Variants in IFT80 observed in about 807,000 individuals in gnomAD.
IFT80 encodes intraflagellar transport protein 80 homolog.
In IFT80, 79 loss-of-function variants were observed where a neutral mutation model predicts 107.9. That is an observed-to-expected ratio of 0.73 (90% CI 0.61 to 0.88). The LOEUF (loss-of-function observed/expected upper bound fraction) is 0.88. Among genes scored for constraint, IFT80 ranks in the 40% least tolerant of loss-of-function variants. The pLI is 0.00. For synonymous variants in IFT80, 299 were observed against 300.9 expected, an observed-to-expected ratio of 0.99 and a Z score of 0.07; for missense variants, 797 against 914.2, an observed-to-expected ratio of 0.87 and a Z score of 1.65.
chr3:160,305,767 GT>G (rs1327879746), intron 10 of IFT80, among the ~76,000 whole-genome samples: 5 of 151,674 alleles, frequency 3.3e-5, no homozygotes, highest in Admixed American at 3.3e-4. Context: ...TTGCATGTCT[GT>G]TTTTAAAATT....
At chr3:160,287,104 G>T (rs1046243978) in intron 12 of IFT80, among the ~76,000 whole-genome samples, 1 of 152,162 alleles carries the variant, frequency 6.6e-6, no homozygotes. Flanking sequence ...AATTCTGAAC[G>T]CCAAAGCTCA....
chr3:160,360,762 T>G (rs574909849), intron 6 of IFT80, among the ~76,000 whole-genome samples: 40 of 152,220 alleles, frequency 2.6e-4, no homozygotes, highest in African/African-American at 8.9e-4. Context: ...CAAACTAAGC[T>G]TCATAAGTGA....
At chr3:160,263,656 TTTA>T (rs1713042723) in intron 19 of IFT80, among the ~76,000 whole-genome samples, 1 of 152,108 alleles carries the variant, frequency 6.6e-6, no homozygotes, top group Admixed American at 6.6e-5. Context: ...AGGATTTTAT[TTTA>T]TTATGTATTT....
chr3:160,347,379 C>T (rs992622927), intron 8 of IFT80, among the ~76,000 whole-genome samples: 5 of 152,056 alleles, frequency 3.3e-5, no homozygotes, highest in South Asian at 2.1e-4. Context: ...GCCAGCTTAA[C>T]GGCTGCTTCA....
At chr3:160,372,798 T>C (rs978552809) in intron 5 of IFT80, among the ~76,000 whole-genome samples, 6 of 152,218 alleles carry the variant, frequency 3.9e-5, no homozygotes, top group African/African-American at 1.2e-4. Flanking sequence ...ATGGGTAATA[T>C]CATTACATGA....
intron 12 of IFT80, 50 bp downstream of exon 12, chr3:160,300,832 AG>A: frequency 7.2e-7 from 1 of 1,396,212 alleles, no homozygotes; most frequent in South Asian, 1.3e-5. Context: ...AAAATTTTAT[AG>A]TGTTAACAAA....
chr3:160,382,333 T>C (rs1387074144), intron 2 of IFT80, among the ~76,000 whole-genome samples: 2 of 152,316 alleles, frequency 1.3e-5, no homozygotes, highest in Non-Finnish European at 1.5e-5. Context: ...TTTCATTTTA[T>C]TTCTTCACTT....
At chr3:160,377,741 T>G in intron 3 of IFT80, 1 of 411,812 alleles carries the variant, frequency 2.4e-6, no homozygotes, top group Non-Finnish European at 4.3e-6. Flanking sequence ...AAAATGCATA[T>G]GCTTACGTGG....
At position 160,276,581 on chromosome 3, in the gene IFT80, T is replaced by C. The variant is rs538817624; in HGVS notation, c.2099+725A>G. On this transcript the variant is annotated intron_variant, in intron 18 of 19. Coordinates refer to ENST00000326448, the MANE Select transcript of IFT80 (RefSeq NM_020800.3). ...ATAGTTTTGTTCACTGGGAGACATGTACCTGAGAGAATGAGTGGGAGGAAC... is the reference window on the plus strand; with the variant it reads ...ATAGTTTTGTTCACTGGGAGACATGCACCTGAGAGAATGAGTGGGAGGAAC... Among the ~76,000 whole-genome samples the C allele has an allele frequency of 5.9e-5, 9 of 152,192 alleles. 1 individual carries two copies. In the Middle Eastern group the frequency reaches 9.5e-3, roughly 161 times the overall value.
chr3:160,307,874 A>C, intron 9 of IFT80, 93 bp from the exon 10 acceptor site: 1 of 720,286 alleles, frequency 1.4e-6, no homozygotes. Context: ...CAAAAAATTA[A>C]ATGCACTACT....
chr3:160,315,607 CA>C, intron 9 of IFT80, among the ~76,000 whole-genome samples: 1 of 152,250 alleles, frequency 6.6e-6, no homozygotes, highest in Non-Finnish European at 1.5e-5. Context: ...TCACACTCAC[CA>C]GCTGGATTTT....
intron 12 of IFT80, among the ~76,000 whole-genome samples, chr3:160,287,834 G>C (rs1393878818): frequency 1.3e-5 from 2 of 152,194 alleles, no homozygotes; most frequent in South Asian, 2.1e-4. Context: ...CTAGTCTCAG[G>C]GCCCCTACTG....
rs761207995 is a variant in IFT80 at position 160,356,103 on chromosome 3, C to T, written c.687G>A (p.Glu229=). 1 of 1,614,118 alleles carries T rather than the reference C, an allele frequency of 6.2e-7. No homozygotes were observed. Residue 229 remains glutamate (E), a synonymous_variant, in exon 8 of 20, where the codon GAG becomes GAA. Coordinates refer to ENST00000326448, the MANE Select transcript of IFT80 (RefSeq NM_020800.3). Reference sequence around the variant, plus strand: ...CCCAGGCAACTGAAGTAATGGGATGCTCATGAGGTTGTGAATTGTACAGTG... The same window carrying T: ...CCCAGGCAACTGAAGTAATGGGATGTTCATGAGGTTGTGAATTGTACAGTG... The part of the protein sequence containing the change: ...GRPLYNSQPH[E]HPITSVAWAP...
In IFT80 at chr3:160,282,596, AATTTCCAAG is replaced by A. The variant is rs752515612; in HGVS notation, c.1389_1397del (p.Leu464_Ile466del). The A allele has an allele frequency of 2.8e-5, 45 of 1,586,236 alleles. No homozygotes were observed. The highest frequency in any genetic ancestry group is 3.9e-5 in the Non-Finnish European group (45 of 1,157,934). ...TGGTAAGTCCTTTTTGATCCAGAGC[AATTTCCAAG>A]ATTTCATTCTAAAATTTTTTTTAAA... On this transcript the variant is annotated inframe_deletion, in exon 14 of 20. Transcript: ENST00000326448.
At chr3:160,360,091 G>A (rs1721384768) in intron 6 of IFT80, among the ~76,000 whole-genome samples, 1 of 152,150 alleles carries the variant, frequency 6.6e-6, no homozygotes, top group African/African-American at 2.4e-5. Flanking sequence ...CCATCACAAG[G>A]AAGCTAAAAA....
At chr3:160,263,036 C>G (rs1576717004) in intron 19 of IFT80, among the ~76,000 whole-genome samples, 1 of 152,220 alleles carries the variant, frequency 6.6e-6, no homozygotes, top group East Asian at 1.9e-4. Flanking sequence ...TTCTGGACAC[C>G]TGATAGACAC....
At chr3:160,263,399 T>C (rs544805797) in intron 19 of IFT80, among the ~76,000 whole-genome samples, 9 of 152,326 alleles carry the variant, frequency 5.9e-5, no homozygotes, top group African/African-American at 2.2e-4. Flanking sequence ...TTCTCTTGAT[T>C]ACAAATCTCC....
intron 9 of IFT80, among the ~76,000 whole-genome samples, chr3:160,318,160 GT>G (rs1030033066): frequency 6.6e-6 from 1 of 151,676 alleles, no homozygotes; most frequent in African/African-American, 2.4e-5. Flanking sequence ...CTGGGGCTGG[GT>G]GATGAGTACA....
Position 160,282,474 on chromosome 3 carries a change from T to C in IFT80, c.1516+4A>G. On this transcript the variant is annotated splice_donor_region_variant and intron_variant, in intron 14 of 19. Transcript: ENST00000326448. ...AAACTTAAAATGTATTAAAATTATT[T>C]TACCAAGCTTGATAATTTGTTCTTC... is the stretch of plus-strand genomic sequence containing the variant. The C allele has an allele frequency of 1.9e-6, 3 of 1,562,882 alleles. No individual in the cohort carries two copies. The highest frequency in any genetic ancestry group is 2.6e-6 in the Non-Finnish European group (3 of 1,141,394).
Sources: gnomAD v4.1 joint callset for allele counts (sites outside exome capture counted in the v4.1 genomes callset) on GRCh38, gnomAD v4.1.1 for gene constraint, MANE v1.5 for transcripts, NCBI Gene and HGNC (gene_info 2026-07-23, HGNC 2026-07-21) for gene names.